The following NEDD4 variants were observed in gnomAD, a reference collection of about 807,000 sequenced individuals.
NEDD4 encodes the protein NEDD4 E3 ubiquitin protein ligase, also known as E3 ubiquitin-protein ligase NEDD4.
A neutral mutation model predicts 144.9 loss-of-function variants in NEDD4; 99 were observed. That is an observed-to-expected ratio of 0.68 (90% confidence interval 0.58 to 0.81). The LOEUF is 0.81. Among genes scored for constraint, NEDD4 ranks in the 30% least tolerant of loss-of-function variants. The probability of loss-of-function intolerance (pLI) is 0.00; values close to 1 mark genes in which losing one functional copy is unlikely to be tolerated. For missense variants in NEDD4, 985 were observed against 1,065.9 expected, an observed-to-expected ratio of 0.92 and a Z score of 1.06; for synonymous variants, 318 against 350.6, an observed-to-expected ratio of 0.91 and a Z score of 1.04.
intron 4 of NEDD4, among the ~76,000 whole-genome samples, chr15:55,951,137 G>C (rs2142300539): frequency 6.6e-6 from 1 of 152,248 alleles, no homozygotes; most frequent in South Asian, 2.1e-4. Context: ...ACTGGAGTAA[G>C]ACTACTGTAC....
chr15:55,838,157 A>G lies in NEDD4; in HGVS notation c.2151T>C (p.Asn717=), dbSNP rs2033300532. The change falls in exon 23 of 29, where the codon AAT becomes AAC. Residue 717 remains asparagine (N), a synonymous_variant. Transcript: ENST00000435532. The part of the protein sequence containing the change: ...FGQTHQHELK[N]GGSEIVVTNK... ...TGGTGACAACTATTTCTGATCCACC[A>G]TTTTTCAGCTCATGTTGATGTGTCT... The G allele has an allele frequency of 1.1e-5, 18 of 1,597,838 alleles. No individual in the cohort carries two copies. Among genetic ancestry groups the G allele is most frequent in the Non-Finnish European group, 1.3e-5 (15 of 1,169,902 alleles).
chr15:55,838,484 T>A (rs774197694), intron 22 of NEDD4, 25 bp downstream of exon 22: 2 of 1,515,954 alleles, frequency 1.3e-6, no homozygotes, highest in East Asian at 4.5e-5. Context: ...TTATGTGCCA[T>A]TTTAACTGAT....
intron 1 of NEDD4, among the ~76,000 whole-genome samples, chr15:55,988,487 T>TAAAAAAAAAAAAAAAAAAAAA (rs56688563): frequency 1.5e-4 from 15 of 101,680 alleles, no homozygotes; most frequent in South Asian, 6.9e-4. Flanking sequence ...AAAAAAAAAT[T>TAAAAAAAAAAAAAAAAAAAAA]AAAAAAAAAA....
intron 2 of NEDD4, among the ~76,000 whole-genome samples, chr15:55,966,209 T>C (rs1348357959): frequency 6.6e-6 from 1 of 152,218 alleles, no homozygotes; most frequent in African/African-American, 2.4e-5. Context: ...AAAGGATTAG[T>C]CTGTTAGAAT....
At chr15:55,936,111 A>G (rs1456038168) in intron 4 of NEDD4, among the ~76,000 whole-genome samples, 3 of 152,176 alleles carry the variant, frequency 2.0e-5, no homozygotes, top group African/African-American at 7.2e-5. Context: ...TGAAGCTAAA[A>G]GCATCCTAAA....
chr15:55,870,016 G>A (rs535042018), intron 7 of NEDD4, among the ~76,000 whole-genome samples: 95 of 152,242 alleles, frequency 6.2e-4, no homozygotes, highest in African/African-American at 2.2e-3. Flanking sequence ...TGTGGCAGTA[G>A]AGGAAAAGGC....
intron 5 of NEDD4, chr15:55,915,853 G>C (rs574637810): frequency 1.2e-6 from 2 of 1,613,834 alleles, no homozygotes; most frequent in East Asian, 4.5e-5. Flanking sequence ...TTAGATAACC[G>C]AAGTCCATTG....
At chr15:55,848,291 G>A in intron 17 of NEDD4, 81 bp downstream of exon 17, 1 of 1,330,674 alleles carries the variant, frequency 7.5e-7, no homozygotes, top group Non-Finnish European at 1.1e-6. Context: ...AATGCCTGTA[G>A]GGTTATGCCC....
At chr15:55,978,570 G>C (rs2037743664) in intron 1 of NEDD4, among the ~76,000 whole-genome samples, 6 of 152,138 alleles carry the variant, frequency 3.9e-5, no homozygotes, top group Admixed American at 3.9e-4. Flanking sequence ...CAGAAATCTG[G>C]ATAGTGCTTA....
chr15:55,916,793 T>G, intron 5 of NEDD4: 5 of 1,609,698 alleles, frequency 3.1e-6, no homozygotes, highest in Non-Finnish European at 4.2e-6. Flanking sequence ...AAGTATTGCT[T>G]CTTCTGGCTG....
At chr15:55,946,651 G>A (rs1365165064) in intron 4 of NEDD4, among the ~76,000 whole-genome samples, 1 of 152,186 alleles carries the variant, frequency 6.6e-6, no homozygotes, top group Non-Finnish European at 1.5e-5. Flanking sequence ...TCTGCACCAA[G>A]TGGACCAAAC....
intron 18 of NEDD4, among the ~76,000 whole-genome samples, chr15:55,845,835 G>C (rs55782406): frequency 0.094 from 13,901 of 148,610 alleles, 712 homozygotes; most frequent in Middle Eastern, 0.16. Context: ...GCCCAGGCTG[G>C]AGTGCAGTGG....
At chr15:55,944,831 C>G (rs997289713) in intron 4 of NEDD4, among the ~76,000 whole-genome samples, 1 of 152,190 alleles carries the variant, frequency 6.6e-6, no homozygotes, top group Non-Finnish European at 1.5e-5. Context: ...GCAATATTTG[C>G]TGTTCTGCAG....
At chr15:55,869,702 AT>A (rs1490917698) in intron 7 of NEDD4, 21 bp from the exon 8 acceptor site, 3 of 1,417,402 alleles carry the variant, frequency 2.1e-6, no homozygotes, top group Non-Finnish European at 2.9e-6. Context: ...GAAAATAAAT[AT>A]TCATAAAACT....
chr15:55,838,650 CCTG>C, intron 21 of NEDD4, 46 bp from the exon 22 acceptor site: 3 of 1,313,996 alleles, frequency 2.3e-6, no homozygotes, highest in Admixed American at 1.8e-5. Flanking sequence ...CTATAACACA[CCTG>C]AAATTGCAAA....
At chr15:55,972,659 T>C (rs573159423) in intron 1 of NEDD4, among the ~76,000 whole-genome samples, 3 of 152,258 alleles carry the variant, frequency 2.0e-5, no homozygotes, top group Non-Finnish European at 2.9e-5. Flanking sequence ...ACAATGAATG[T>C]AAGTGAACTA....
intron 5 of NEDD4, among the ~76,000 whole-genome samples, chr15:55,893,808 G>C (rs1258319052): frequency 6.8e-6 from 1 of 147,036 alleles, no homozygotes; most frequent in African/African-American, 2.5e-5. Context: ...CTACATACTA[G>C]ATATAGATAG....
intron 5 of NEDD4, among the ~76,000 whole-genome samples, chr15:55,880,744 C>A (rs1407082660): frequency 6.6e-6 from 1 of 152,080 alleles, no homozygotes; most frequent in Non-Finnish European, 1.5e-5. Flanking sequence ...CCAGTGCATA[C>A]TGGAGCAGGA....
chr15:55,923,753 A>G (rs1216384992), intron 5 of NEDD4, among the ~76,000 whole-genome samples: 1 of 151,900 alleles, frequency 6.6e-6, no homozygotes, highest in African/African-American at 2.4e-5. Flanking sequence ...TTCATTGGCA[A>G]TATCTTTAGT....
Sources: gnomAD v4.1 joint callset for allele counts (sites outside exome capture counted in the v4.1 genomes callset) on GRCh38, gnomAD v4.1.1 for gene constraint, MANE v1.5 for transcripts, NCBI Gene and HGNC (gene_info 2026-07-23, HGNC 2026-07-21) for gene names.